PPFIA2: variants seen among roughly 807,000 people sequenced by gnomAD.
PPFIA2 encodes PPFI scaffold protein A2.
Under a neutral mutation model 175.5 loss-of-function variants are expected in PPFIA2, and 46 were observed. The ratio of observed to expected loss-of-function variants is 0.26; its 90% CI spans 0.21 to 0.34. PPFIA2 has a LOEUF of 0.34. PPFIA2 is among the 10% of genes least tolerant of loss of function. The probability of loss-of-function intolerance (pLI) is 1.00; values close to 1 mark genes in which losing one functional copy is unlikely to be tolerated. For missense variants in PPFIA2, 1,179 were observed against 1,506.1 expected (o/e 0.78, Z 3.60); for synonymous variants, 568 against 511.4 (o/e 1.11, Z -1.49).
chr12:81,489,783 A>C (rs2059236254), intron 4 of PPFIA2, among the ~76,000 whole-genome samples: 1 of 151,876 alleles, frequency 6.6e-6, no homozygotes, highest in African/African-American at 2.4e-5. Context: ...GATGCAGCAC[A>C]CTTAATTCAA....
chr12:81,302,238 T>A (rs540786187), intron 22 of PPFIA2: 1 of 402,150 alleles, frequency 2.5e-6, no homozygotes, highest in South Asian at 1.8e-5. Flanking sequence ...TTTTCTTGCA[T>A]CTTACCTCCT....
intron 8 of PPFIA2, among the ~76,000 whole-genome samples, chr12:81,386,579 A>C (rs1407217749): frequency 6.6e-6 from 1 of 151,644 alleles, no homozygotes; most frequent in Non-Finnish European, 1.5e-5. Flanking sequence ...CCATGATTGC[A>C]TTAGCGCACT....
chr12:81,259,006 T>C lies in PPFIA2; in HGVS notation c.*688A>G, dbSNP rs2034538468. 6.5e-6 allele frequency: 1 copy of C among 153,448 alleles called. No individual in the cohort carries two copies. Among genetic ancestry groups the C allele is most frequent in the Admixed American group, 6.5e-5 (1 of 15,324 alleles). The allele number at this position is 153,448 out of a possible 1,614,324, so 9.5% of individuals were successfully genotyped here. On this transcript the variant is annotated 3_prime_UTR_variant, in exon 33 of 33. Coordinates refer to ENST00000549396, the MANE Select transcript of PPFIA2 (RefSeq NM_003625.5). ...GATCAAGCCATCACAGTGCTATTTC[T>C]AAAGATATAGGACATCCCTGATTGC...
chr12:81,329,499 C>G (rs1281537336), intron 21 of PPFIA2, among the ~76,000 whole-genome samples: 1 of 152,060 alleles, frequency 6.6e-6, no homozygotes, highest in Admixed American at 6.6e-5. Context: ...GCCCCTCTTC[C>G]TGTGTAAACA....
chr12:81,466,343 C>T (rs908537829), intron 4 of PPFIA2, among the ~76,000 whole-genome samples: 2 of 152,094 alleles, frequency 1.3e-5, no homozygotes, highest in Non-Finnish European at 2.9e-5. Context: ...TATTTAAAAT[C>T]CAACATGCTA....
At chr12:81,286,386 A>G (rs542175305) in intron 24 of PPFIA2, among the ~76,000 whole-genome samples, 7 of 152,160 alleles carry the variant, frequency 4.6e-5, no homozygotes, top group African/African-American at 1.4e-4. Context: ...TAAGTGCCCT[A>G]TTCACGTGTA....
intron 4 of PPFIA2, among the ~76,000 whole-genome samples, chr12:81,516,724 A>G (rs2062491212): frequency 6.6e-6 from 1 of 152,222 alleles, no homozygotes; most frequent in African/African-American, 2.4e-5. Context: ...CCTTGATTTT[A>G]GACTTTTAGC....
At chr12:81,341,883 G>A (rs1040451152) in intron 19 of PPFIA2, among the ~76,000 whole-genome samples, 3 of 152,054 alleles carry the variant, frequency 2.0e-5, no homozygotes, top group African/African-American at 7.2e-5. Flanking sequence ...TTTGAAATGA[G>A]AAGTTGATAA....
At chr12:81,282,825 T>A (rs931023176) in intron 26 of PPFIA2, 185 bp downstream of exon 26, 26 of 430,188 alleles carry the variant, frequency 6.0e-5, no homozygotes, top group Non-Finnish European at 1.1e-4. Flanking sequence ...CATCTTATTT[T>A]AAAAATATGG....
At chr12:81,699,341 C>A (rs1248663732) in intron 3 of PPFIA2, among the ~76,000 whole-genome samples, 2 of 151,702 alleles carry the variant, frequency 1.3e-5, no homozygotes, top group Non-Finnish European at 2.9e-5. Context: ...ATTAATACAT[C>A]AAAAGCATTT....
At chr12:81,663,892 A>G (rs2069516667) in intron 4 of PPFIA2, among the ~76,000 whole-genome samples, 1 of 152,214 alleles carries the variant, frequency 6.6e-6, no homozygotes, top group South Asian at 2.1e-4. Context: ...CCACACATCT[A>G]CAACCATCTG....
rs146309076 is a variant in PPFIA2 at position 81,273,882 on chromosome 12, C to T, written c.3310+3435G>A. Among the ~76,000 whole-genome samples, 1,404 of 149,250 alleles carry T rather than the reference C, an allele frequency of 9.4e-3. 14 individuals are homozygous for T. The highest frequency in any genetic ancestry group is 0.012 in the Non-Finnish European group (776 of 67,188). On this transcript the variant is annotated intron_variant, in intron 28 of 32. Transcript: ENST00000549396. Reference sequence around the variant, plus strand: ...CCTCAGAGTTTTGCCTCTTTCTCCCCGCCCCCCCCCAAACCGGTCTGCAGC... The same window carrying T: ...CCTCAGAGTTTTGCCTCTTTCTCCCTGCCCCCCCCCAAACCGGTCTGCAGC...
chr12:81,562,846 CAAA>C (rs11475809), intron 4 of PPFIA2, among the ~76,000 whole-genome samples: 45 of 29,566 alleles, frequency 1.5e-3, no homozygotes, highest in African/African-American at 6.1e-3. Flanking sequence ...GACTCTGTCT[CAAA>C]AAAAAAAAAA....
At chr12:81,489,063 A>G (rs1593839003) in intron 4 of PPFIA2, among the ~76,000 whole-genome samples, 1 of 151,866 alleles carries the variant, frequency 6.6e-6, no homozygotes, top group Non-Finnish European at 1.5e-5. Context: ...ACCATTTACC[A>G]TATTCTCAAT....
chr12:81,451,412 C>T (rs2052550258), intron 5 of PPFIA2, among the ~76,000 whole-genome samples: 1 of 152,034 alleles, frequency 6.6e-6, no homozygotes, highest in African/African-American at 2.4e-5. Context: ...CCTGACGGGG[C>T]AGAGAGGAAC....
At chr12:81,381,027 A>G (rs1399966909) in intron 9 of PPFIA2, among the ~76,000 whole-genome samples, 1 of 149,266 alleles carries the variant, frequency 6.7e-6, no homozygotes, top group Non-Finnish European at 1.5e-5. Flanking sequence ...AAAGTGATGC[A>G]TGCAGTAACG....
At chr12:81,261,468 C>T (rs1039562594) in intron 32 of PPFIA2, among the ~76,000 whole-genome samples, 4 of 152,214 alleles carry the variant, frequency 2.6e-5, no homozygotes, top group Non-Finnish European at 4.4e-5. Context: ...CCACCTGCCT[C>T]GGCAAGTTTC....
intron 26 of PPFIA2, 66 bp downstream of exon 26, chr12:81,282,944 T>C (rs911919951): frequency 1.4e-6 from 2 of 1,410,994 alleles, no homozygotes; most frequent in African/African-American, 1.4e-5. Context: ...TATGACAGTT[T>C]CTTGATTTAT....
intron 3 of PPFIA2, among the ~76,000 whole-genome samples, chr12:81,678,934 C>T (rs2073095239): frequency 6.6e-6 from 1 of 151,704 alleles, no homozygotes; most frequent in Admixed American, 6.6e-5. Context: ...TCATGCCCAA[C>T]ATAAAAAAAA....
Sources: allele counts gnomAD v4.1 joint callset (sites outside exome capture counted in the v4.1 genomes callset), GRCh38; gene constraint gnomAD v4.1.1; transcripts MANE v1.5; gene names NCBI Gene and HGNC (gene_info 2026-07-23, HGNC 2026-07-21).